KIRREL3: variants seen among roughly 807,000 people sequenced by gnomAD.
KIRREL3 encodes kin of IRRE-like protein 3.
A neutral mutation model predicts 89.7 loss-of-function variants in KIRREL3; 36 were observed. That is an observed-to-expected ratio of 0.40 (90% CI 0.31 to 0.53). The LOEUF (loss-of-function observed/expected upper bound fraction) is 0.53. Ranked by LOEUF, KIRREL3 falls within the 20% of genes least tolerant of loss-of-function variation. KIRREL3 has a pLI of 0.49. For missense variants in KIRREL3, 864 were observed against 1,056.6 expected (o/e 0.82, Z 2.53); for synonymous variants, 445 against 441.4 (o/e 1.01, Z -0.10).
intron 1 of KIRREL3, among the ~76,000 whole-genome samples, chr11:126,792,046 G>C (rs1461984871): frequency 6.6e-6 from 1 of 152,144 alleles, no homozygotes; most frequent in African/African-American, 2.4e-5. Context: ...CTCCCTTTTG[G>C]GGGAGACTTG....
At chr11:126,819,674 G>A (rs112793962) in intron 1 of KIRREL3, among the ~76,000 whole-genome samples, 2,014 of 152,334 alleles carry the variant, frequency 0.013, 41 homozygotes, top group African/African-American at 0.046. Context: ...CATACACATC[G>A]GTGAGCAGAG....
rs1417948204 is a variant in KIRREL3, at chr11:126,636,069, G to A, written c.56-73157C>T. On this transcript the variant is annotated intron_variant, in intron 1 of 16. Transcript: ENST00000525144. The surrounding 1 kb of genome is among the most constrained non-coding windows in gnomAD (Gnocchi z 4.4). ...AGCCCCCTTAGAGTGACAGAGATGG[G>A]GCTACCTCACAACTCTGCCACTTAC... Among the ~76,000 whole-genome samples, 2 of 152,100 alleles carry A rather than the reference G, an allele frequency of 1.3e-5. No individual in the cohort carries two copies. The highest frequency in any genetic ancestry group is 2.9e-5 in the Non-Finnish European group (2 of 68,020).
intron 4 of KIRREL3, among the ~76,000 whole-genome samples, chr11:126,507,494 C>T (rs1318307715): frequency 1.3e-5 from 2 of 152,156 alleles, no homozygotes; most frequent in Non-Finnish European, 2.9e-5. Flanking sequence ...TAGCATTGAT[C>T]ACCTTCTAAT....
chr11:126,858,730 T>A (rs753440831), intron 1 of KIRREL3, among the ~76,000 whole-genome samples: 6 of 152,178 alleles, frequency 3.9e-5, no homozygotes, highest in Non-Finnish European at 8.8e-5. Context: ...GTGTAAACAG[T>A]TCTGTGCAGA....
rs533102921 is a variant in KIRREL3, at chr11:126,653,667, A to C, written c.56-90755T>G. ...ACCCGACTCTCTCCTGGCAGCATTCAATGTGACACGCCAGGGCAATGAGAA... is the reference window on the plus strand; with the variant it reads ...ACCCGACTCTCTCCTGGCAGCATTCCATGTGACACGCCAGGGCAATGAGAA... On this transcript the variant is annotated intron_variant, in intron 1 of 16. Transcript: ENST00000525144. The surrounding 1 kb of genome is among the most constrained non-coding windows in gnomAD (Gnocchi z 5.4). 1.1e-4 allele frequency among the ~76,000 whole-genome samples: 16 copies of C among 152,162 alleles called. No homozygotes were observed. Among genetic ancestry groups the C allele is most frequent in the Non-Finnish European group, 1.9e-4 (13 of 68,030 alleles).
Position 126,668,712 on chromosome 11 carries a change from TC to T in KIRREL3, c.56-105801del, listed in dbSNP as rs1204345380. ...TTCTGTTTTTCTTTCTTTCTTTCTT[TC>T]TTTCTTTCTTTCTTTCTTTCTTTCT... On this transcript the variant is annotated intron_variant, in intron 1 of 16. Coordinates refer to ENST00000525144, the MANE Select transcript of KIRREL3 (RefSeq NM_032531.4). This position sits in a 1 kb window ranked among gnomAD's most constrained non-coding sequence, Gnocchi z 4.4. Among the ~76,000 whole-genome samples, 2 of 92,382 alleles carry T rather than the reference TC, an allele frequency of 2.2e-5. No individual in the cohort carries two copies. Among genetic ancestry groups the T allele is most frequent in the African/African-American group, 6.5e-5 (2 of 30,902 alleles). 60.6% of individuals were successfully genotyped at this position (92,382 alleles called of 152,430 possible).
At chr11:126,538,943 C>T (rs1236401579) in intron 2 of KIRREL3, among the ~76,000 whole-genome samples, 1 of 152,176 alleles carries the variant, frequency 6.6e-6, no homozygotes, top group Non-Finnish European at 1.5e-5. Context: ...GGGTTGGCTT[C>T]TGAAATGGCC....
At chr11:126,644,882 C>T (rs553960446) in intron 1 of KIRREL3, among the ~76,000 whole-genome samples, 1 of 152,286 alleles carries the variant, frequency 6.6e-6, no homozygotes, top group African/African-American at 2.4e-5. Flanking sequence ...GTGCTGGTCA[C>T]AAATAGCTTG....
At chr11:126,512,359 A>G (rs756738003) in intron 4 of KIRREL3, among the ~76,000 whole-genome samples, 8 of 152,244 alleles carry the variant, frequency 5.3e-5, no homozygotes, top group Non-Finnish European at 1.0e-4. Flanking sequence ...CCATGTGTGT[A>G]TCCTTATGAT....
rs1235566553 is a variant in KIRREL3 at position 126,647,556 on chromosome 11, C to G, written c.56-84644G>C. 6.6e-6 allele frequency among the ~76,000 whole-genome samples: 1 copy of G among 152,154 alleles called. No homozygotes were observed. Among genetic ancestry groups the G allele is most frequent in the Non-Finnish European group, 1.5e-5 (1 of 68,028 alleles). On this transcript the variant is annotated intron_variant, in intron 1 of 16. Transcript: ENST00000525144. The surrounding 1 kb of genome is among the most constrained non-coding windows in gnomAD (Gnocchi z 4.9). ...AGTGTAAGGTACTCTGCTGGGAGCC[C>G]AAAAGTTTACAGCGAAGATCAAATC...
chr11:126,523,096 A>G lies in KIRREL3; in HGVS notation c.284-1632T>C, dbSNP rs1245056848. Among the ~76,000 whole-genome samples the G allele has an allele frequency of 6.6e-6, 1 of 152,192 alleles. No individual in the cohort carries two copies. The highest frequency in any genetic ancestry group is 1.5e-5 in the Non-Finnish European group (1 of 68,028). ...GCTCCCAAGGGCAGCACCAGCACCA[A>G]CAGGCAGAATTCACATGGGGAGGTT... On this transcript the variant is annotated intron_variant, in intron 3 of 16. Coordinates refer to ENST00000525144, the MANE Select transcript of KIRREL3 (RefSeq NM_032531.4). The surrounding 1 kb of genome is among the most constrained non-coding windows in gnomAD (Gnocchi z 4.9).
In KIRREL3 at chr11:126,837,223, T is replaced by C. The variant is rs1050038516; in HGVS notation, c.55+163232A>G. 2.0e-5 allele frequency among the ~76,000 whole-genome samples: 3 copies of C among 152,076 alleles called. No individual in the cohort carries two copies. Among genetic ancestry groups the C allele is most frequent in the Non-Finnish European group, 4.4e-5 (3 of 68,022 alleles). On this transcript the variant is annotated intron_variant, in intron 1 of 16. Coordinates refer to ENST00000525144, the MANE Select transcript of KIRREL3 (RefSeq NM_032531.4). This position sits in a 1 kb window ranked among gnomAD's most constrained non-coding sequence, Gnocchi z 4.7. ...CCAGTTTATTCAACTGTGAAATAGG[T>C]TTAATAAAACCAGCCTTAGAACCCT... is the stretch of plus-strand genomic sequence containing the variant.
chr11:126,952,383 G>GA (rs371863572), intron 1 of KIRREL3, among the ~76,000 whole-genome samples: 73 of 145,586 alleles, frequency 5.0e-4, no homozygotes, highest in East Asian at 2.8e-3. Context: ...AGACTGTCTT[G>GA]AAAAAAAAAA....
chr11:126,674,726 T>C (rs1353628488), intron 1 of KIRREL3, among the ~76,000 whole-genome samples: 3 of 152,208 alleles, frequency 2.0e-5, no homozygotes, highest in African/African-American at 7.2e-5. Flanking sequence ...GTTGTCATCT[T>C]TTCTTAGGAG....
chr11:126,841,358 C>A (rs1032446528), intron 1 of KIRREL3, among the ~76,000 whole-genome samples: 1 of 152,160 alleles, frequency 6.6e-6, no homozygotes, highest in African/African-American at 2.4e-5. Flanking sequence ...TAGTTGGAAG[C>A]CCCAGGAGGG....
rs573532603 is a variant in KIRREL3, at chr11:126,425,601, T to A, written c.1893+37A>T. On this transcript the variant is annotated intron_variant, in intron 16 of 16. Coordinates refer to ENST00000525144, the MANE Select transcript of KIRREL3 (RefSeq NM_032531.4). ...GGGCCATCAGAGCTAAAGACCAGAT[T>A]CCATGGCTGTGTCTTATAACCCGGG... 5 of 1,503,358 alleles carry A rather than the reference T, an allele frequency of 3.3e-6. No homozygotes were observed. The African/African-American group carries it at 6.9e-5, about 21-fold the overall frequency. The allele number at this position is 1,503,358 out of a possible 1,614,324, so 93.1% of individuals were successfully genotyped here. A position where few individuals can be genotyped will look rare whatever the true frequency, so the allele number is the denominator to read the frequency against.
rs1942989824 is a variant in KIRREL3 at position 126,608,602 on chromosome 11, A to G, written c.56-45690T>C. Among the ~76,000 whole-genome samples, 1 of 152,062 alleles carries G rather than the reference A, an allele frequency of 6.6e-6. No individual in the cohort carries two copies. The highest frequency in any genetic ancestry group is 1.5e-5 in the Non-Finnish European group (1 of 68,028). On this transcript the variant is annotated intron_variant, in intron 1 of 16. Coordinates refer to ENST00000525144, the MANE Select transcript of KIRREL3 (RefSeq NM_032531.4). This position sits in a 1 kb window ranked among gnomAD's most constrained non-coding sequence, Gnocchi z 4.9. ...CACGAGCTGCTTTCTTCTGAGCTCA[A>G]TAATCACCCTGGACTAATCCATACA...
At chr11:126,604,515 A>G (rs953332424) in intron 1 of KIRREL3, among the ~76,000 whole-genome samples, 4 of 152,234 alleles carry the variant, frequency 2.6e-5, no homozygotes, top group African/African-American at 9.6e-5. Flanking sequence ...AGACAGGGAA[A>G]CTGAGGACCA....
At chr11:126,667,904 A>G (rs563004916) in intron 1 of KIRREL3, among the ~76,000 whole-genome samples, 1 of 152,152 alleles carries the variant, frequency 6.6e-6, no homozygotes, top group African/African-American at 2.4e-5. Context: ...GGGACAAAGC[A>G]GTTAAAATCC....
Sources: gnomAD v4.1 joint callset for allele counts (sites outside exome capture counted in the v4.1 genomes callset) on GRCh38, gnomAD v4.1.1 for gene constraint, Gnocchi (gnomAD v3.1) non-coding constraint, MANE v1.5 for transcripts, NCBI Gene and HGNC (gene_info 2026-07-23, HGNC 2026-07-21) for gene names.